ANTXRL: variants seen among roughly 807,000 people sequenced by gnomAD.
ANTXRL encodes the protein ANTXR like.
ANTXRL carries 63 observed loss-of-function variants against 75.4 expected under a neutral mutation model. That is an observed-to-expected ratio of 0.84 (90% CI 0.68 to 1.03). The LOEUF (loss-of-function observed/expected upper bound fraction) is 1.03. Ranked by LOEUF, ANTXRL falls within the 50% of genes least tolerant of loss-of-function variation. ANTXRL has a pLI of 0.00. For synonymous variants in ANTXRL, 335 were observed against 291.3 expected (o/e 1.15, Z -1.53); for missense variants, 797 against 789.4 (o/e 1.01, Z -0.12).
intron 16 of ANTXRL, among the ~76,000 whole-genome samples, chr10:46,326,264 G>C (rs568146283): frequency 1.3e-5 from 2 of 152,030 alleles, no homozygotes; most frequent in African/African-American, 4.8e-5. Flanking sequence ...ACCCAGCACT[G>C]GTGTTAGGGA....
intron 10 of ANTXRL, among the ~76,000 whole-genome samples, chr10:46,305,992 A>G (rs1221178723): frequency 1.3e-5 from 2 of 152,132 alleles, no homozygotes; most frequent in Non-Finnish European, 2.9e-5. Context: ...CCCAACCTGG[A>G]CAGATTCACT....
intron 3 of ANTXRL, among the ~76,000 whole-genome samples, chr10:46,295,027 T>C (rs1293744635): frequency 1.3e-5 from 2 of 152,192 alleles, no homozygotes; most frequent in Admixed American, 1.3e-4. Flanking sequence ...CAGCCCATTC[T>C]GTCTGCTTTA....
intron 16 of ANTXRL, among the ~76,000 whole-genome samples, chr10:46,315,552 G>A (rs187900232): frequency 8.3e-4 from 127 of 152,302 alleles, no homozygotes; most frequent in African/African-American, 2.6e-3. Flanking sequence ...TCAGCAGGTT[G>A]GGGGATCCTG....
At position 46,287,210 on chromosome 10, in the gene ANTXRL, G is replaced by A; in HGVS notation, c.-53G>A. On this transcript the variant is annotated 5_prime_UTR_variant, in exon 1 of 17. Coordinates refer to ENST00000620264, the MANE Select transcript of ANTXRL (RefSeq NM_001278688.3). ...AAGGGGCCTGTGCTCAGCCTCTCTG[G>A]GCCCTGGCACAGGCACCCAAGAGTG... 1 of 1,523,266 alleles carries A rather than the reference G, an allele frequency of 6.6e-7. No homozygotes were observed. Among genetic ancestry groups the A allele is most frequent in the Non-Finnish European group, 8.8e-7 (1 of 1,141,644 alleles). The allele number at this position is 1,523,266 out of a possible 1,614,324, so 94.4% of individuals were successfully genotyped here.
intron 2 of ANTXRL, 137 bp from the exon 3 acceptor site, chr10:46,293,692 C>T: frequency 1.4e-6 from 1 of 725,306 alleles, no homozygotes; most frequent in Non-Finnish European, 2.3e-6. Context: ...TCCTTCACTA[C>T]ATTTATCTCA....
chr10:46,296,667 C>T (rs782142306), intron 5 of ANTXRL, among the ~76,000 whole-genome samples: 7 of 152,182 alleles, frequency 4.6e-5, no homozygotes, highest in Non-Finnish European at 7.3e-5. Flanking sequence ...CCCAACTTCC[C>T]TCCCCACTGT....
At chr10:46,303,561 G>A (rs1175508902) in intron 10 of ANTXRL, among the ~76,000 whole-genome samples, 1 of 152,140 alleles carries the variant, frequency 6.6e-6, no homozygotes, top group South Asian at 2.1e-4. Context: ...CATCATGTTG[G>A]TGCTCAAGAA....
At chr10:46,315,516 C>T (rs1838677822) in intron 16 of ANTXRL, among the ~76,000 whole-genome samples, 1 of 152,196 alleles carries the variant, frequency 6.6e-6, no homozygotes, top group African/African-American at 2.4e-5. Flanking sequence ...CAGGATCTCC[C>T]CTCAGACAGG....
chr10:46,307,729 C>A (rs1436083868), intron 12 of ANTXRL, among the ~76,000 whole-genome samples: 8 of 152,146 alleles, frequency 5.3e-5, no homozygotes, highest in African/African-American at 1.9e-4. Flanking sequence ...GAGGATTCCA[C>A]ACACTGCCGT....
At chr10:46,295,479 A>C (rs1554958286) in intron 3 of ANTXRL, among the ~76,000 whole-genome samples, 1 of 122,032 alleles carries the variant, frequency 8.2e-6, no homozygotes. Context: ...AGTTAGAGTT[A>C]GAGTTAGAGT....
chr10:46,301,624 G>A (rs1837751053), intron 9 of ANTXRL, among the ~76,000 whole-genome samples: 1 of 152,164 alleles, frequency 6.6e-6, no homozygotes, highest in African/African-American at 2.4e-5. Flanking sequence ...ACCCACTAAG[G>A]CCTGCATTTC....
intron 16 of ANTXRL, among the ~76,000 whole-genome samples, chr10:46,314,867 C>G (rs1280884647): frequency 6.6e-6 from 1 of 152,130 alleles, no homozygotes; most frequent in Admixed American, 6.5e-5. Flanking sequence ...AGAAATCAAC[C>G]CCAGATCTGT....
At chr10:46,295,971 A>G in intron 3 of ANTXRL, 48 bp from the exon 4 acceptor site, 1 of 1,469,898 alleles carries the variant, frequency 6.8e-7, no homozygotes, top group East Asian at 2.5e-5. Context: ...GCTGATTTTT[A>G]ACAGTCAATG....
chr10:46,315,822 G>A (rs1184031049), intron 16 of ANTXRL, among the ~76,000 whole-genome samples: 1 of 152,130 alleles, frequency 6.6e-6, no homozygotes, highest in African/African-American at 2.4e-5. Context: ...ATTCTCCAAG[G>A]CTCAGTTTAC....
chr10:46,290,046 T>TTC (rs1836918764), intron 1 of ANTXRL, among the ~76,000 whole-genome samples: 1 of 21,656 alleles, frequency 4.6e-5, no homozygotes, highest in South Asian at 1.6e-3. Context: ...TTTCTTTATC[T>TTC]TTTTTTTTTT....
intron 10 of ANTXRL, among the ~76,000 whole-genome samples, chr10:46,305,303 T>G (rs1485272251): frequency 6.6e-6 from 1 of 152,142 alleles, no homozygotes. Flanking sequence ...TGGATGCAAT[T>G]TTTGACAACT....
intron 16 of ANTXRL, among the ~76,000 whole-genome samples, chr10:46,324,088 G>C (rs944123116): frequency 6.6e-6 from 1 of 152,118 alleles, no homozygotes; most frequent in African/African-American, 2.4e-5. Context: ...TTTCCATCAA[G>C]GCCTTGTGAC....
At chr10:46,286,413 C>G (rs781846635), upstream of ANTXRL, 1 of 152,118 alleles carries the variant, frequency 6.6e-6, no homozygotes, top group African/African-American at 2.4e-5. Flanking sequence ...CCAGCTGAGC[C>G]CAGGTTTTGG....
At chr10:46,286,779 C>T (rs1313802629), upstream of ANTXRL, among the ~76,000 whole-genome samples, 1 of 152,176 alleles carries the variant, frequency 6.6e-6, no homozygotes, top group Admixed American at 6.5e-5. Context: ...TCACCCACAG[C>T]AATGTCCTCA....
Sources: allele counts gnomAD v4.1 joint callset (sites outside exome capture counted in the v4.1 genomes callset), GRCh38; gene constraint gnomAD v4.1.1; transcripts MANE v1.5; gene names NCBI Gene and HGNC (gene_info 2026-07-23, HGNC 2026-07-21).